ATF7IP: variants seen among roughly 807,000 people sequenced by gnomAD.
ATF7IP encodes the protein activating transcription factor 7-interacting protein 1.
ATF7IP carries 23 observed loss-of-function variants against 106.4 expected under a neutral mutation model. That is an observed-to-expected ratio of 0.22 (90% CI 0.16 to 0.31). The LOEUF (loss-of-function observed/expected upper bound fraction) is 0.31, where lower values mean the gene tolerates loss of function less well. ATF7IP is among the 10% of genes least tolerant of loss of function. The pLI, the probability that ATF7IP is intolerant of heterozygous loss-of-function variation, is 1.00. For synonymous variants in ATF7IP, 542 were observed against 539.0 expected (o/e 1.01, Z -0.08); for missense variants, 1,334 against 1,524.3 (o/e 0.88, Z 2.08).
At chr12:14,464,970 C>T (rs895240948) in intron 9 of ATF7IP, among the ~76,000 whole-genome samples, 5 of 152,094 alleles carry the variant, frequency 3.3e-5, no homozygotes, top group Non-Finnish European at 7.4e-5. Flanking sequence ...AATCCCAGCA[C>T]TTTGGGAGGC....
chr12:14,471,635 C>T (rs996955198), intron 10 of ATF7IP, among the ~76,000 whole-genome samples: 1 of 152,040 alleles, frequency 6.6e-6, no homozygotes, highest in Non-Finnish European at 1.5e-5. Context: ...CAAGGGGAAG[C>T]AAACATGTCC....
At chr12:14,416,761 C>T (rs185663319) in intron 1 of ATF7IP, among the ~76,000 whole-genome samples, 63 of 152,288 alleles carry the variant, frequency 4.1e-4, no homozygotes, top group Non-Finnish European at 7.5e-4. Context: ...TCATCTTCTT[C>T]CCTTGTTGCT....
At chr12:14,463,932 AAG>A (rs1301765452) in intron 9 of ATF7IP, among the ~76,000 whole-genome samples, 4 of 152,240 alleles carry the variant, frequency 2.6e-5, no homozygotes, top group African/African-American at 9.6e-5. Flanking sequence ...ATATTAAAAA[AAG>A]AACAGATTTG....
chr12:14,471,883 A>T (rs1448597828), intron 10 of ATF7IP, among the ~76,000 whole-genome samples: 1 of 152,162 alleles, frequency 6.6e-6, no homozygotes, highest in Admixed American at 6.5e-5. Flanking sequence ...AGGACCCTGT[A>T]TTCATTATCT....
intron 13 of ATF7IP, among the ~76,000 whole-genome samples, chr12:14,492,456 A>T (rs1591975471): frequency 1.3e-5 from 2 of 152,234 alleles, no homozygotes; most frequent in South Asian, 4.2e-4. Flanking sequence ...CCTCAAGGGG[A>T]CGAGGCCTCC....
intron 1 of ATF7IP, among the ~76,000 whole-genome samples, chr12:14,377,524 TG>T (rs1389297860): frequency 6.6e-6 from 1 of 150,576 alleles, no homozygotes. Flanking sequence ...CCCGGCTAAT[TG>T]TTTGTATTTT....
chr12:14,396,425 G>A (rs1295590005), intron 1 of ATF7IP, among the ~76,000 whole-genome samples: 2 of 151,410 alleles, frequency 1.3e-5, no homozygotes, highest in East Asian at 1.9e-4. Flanking sequence ...TTTTGACAGT[G>A]TTGCTTGGAT....
At chr12:14,468,735 A>T (rs1396950480) in intron 10 of ATF7IP, among the ~76,000 whole-genome samples, 1 of 152,240 alleles carries the variant, frequency 6.6e-6, no homozygotes, top group Non-Finnish European at 1.5e-5. Flanking sequence ...TGAATAATAA[A>T]TATAATTACA....
At chr12:14,493,855 T>C (rs1402401461) in intron 13 of ATF7IP, among the ~76,000 whole-genome samples, 1 of 152,160 alleles carries the variant, frequency 6.6e-6, no homozygotes, top group East Asian at 1.9e-4. Flanking sequence ...TTAGCAGTTT[T>C]GAGCCTCAGT....
intron 13 of ATF7IP, among the ~76,000 whole-genome samples, chr12:14,484,640 C>A (rs148017435): frequency 9.2e-5 from 14 of 152,244 alleles, no homozygotes; most frequent in African/African-American, 2.6e-4. Flanking sequence ...GTGAACCAGG[C>A]CCTAGTCATC....
intron 10 of ATF7IP, among the ~76,000 whole-genome samples, chr12:14,474,323 ATTTC>A (rs1944171862): frequency 7.0e-6 from 1 of 142,734 alleles, no homozygotes; most frequent in South Asian, 2.2e-4. Flanking sequence ...CAGCTTTATT[ATTTC>A]TTTTTTTTTC....
rs1236263829 is a variant in ATF7IP at position 14,501,537 on chromosome 12, CCTT to C, written c.*3467_*3469del. Reference sequence around the variant, plus strand: ...AGTTAACTTTATGAGGTAACTATATCCTTCTATTTCTCTGGACTCATTTTTAAA... The same window carrying C: ...AGTTAACTTTATGAGGTAACTATATCCTATTTCTCTGGACTCATTTTTAAA... On this transcript the variant is annotated 3_prime_UTR_variant, in exon 15 of 15. Transcript: ENST00000261168. 6.6e-6 allele frequency: 1 copy of C among 152,068 alleles called. No individual in the cohort carries two copies. Among genetic ancestry groups the C allele is most frequent in the Non-Finnish European group, 1.5e-5 (1 of 68,004 alleles). 9.4% of individuals were successfully genotyped at this position (152,068 alleles called of 1,614,324 possible). A position where few individuals can be genotyped will look rare whatever the true frequency, so the allele number is the denominator to read the frequency against.
At chr12:14,440,948 G>A (rs149729063) in intron 5 of ATF7IP, among the ~76,000 whole-genome samples, 5 of 152,194 alleles carry the variant, frequency 3.3e-5, no homozygotes, top group African/African-American at 7.2e-5. Flanking sequence ...ATTATATGGC[G>A]GTATATGCCA....
chr12:14,473,274 C>T (rs182755192), intron 10 of ATF7IP, among the ~76,000 whole-genome samples: 91 of 33,382 alleles, frequency 2.7e-3, no homozygotes, highest in African/African-American at 0.012. Flanking sequence ...CTTTTTAGCG[C>T]GCTCTCTCTC....
At chr12:14,472,255 GA>G (rs1344005440) in intron 10 of ATF7IP, among the ~76,000 whole-genome samples, 6 of 152,084 alleles carry the variant, frequency 3.9e-5, no homozygotes, top group African/African-American at 1.2e-4. Flanking sequence ...AATAGTAAAT[GA>G]TGAGACAAAA....
chr12:14,370,191 C>T (rs553924789), intron 1 of ATF7IP, among the ~76,000 whole-genome samples: 7 of 152,264 alleles, frequency 4.6e-5, no homozygotes, highest in African/African-American at 1.7e-4. Context: ...CTGCCTCGGC[C>T]TACCAAAGTG....
chr12:14,486,801 AT>A (rs1442351072), intron 13 of ATF7IP, among the ~76,000 whole-genome samples: 2 of 152,014 alleles, frequency 1.3e-5, no homozygotes, highest in Non-Finnish European at 2.9e-5. Flanking sequence ...TTTCCATTGT[AT>A]TTAAATTTTG....
intron 6 of ATF7IP, among the ~76,000 whole-genome samples, chr12:14,453,173 C>T (rs1302276072): frequency 6.6e-6 from 1 of 152,280 alleles, no homozygotes; most frequent in African/African-American, 2.4e-5. Flanking sequence ...TATAATGTAT[C>T]TCAGTGTAGA....
chr12:14,426,823 C>CAAAA (rs1491532843), intron 2 of ATF7IP, among the ~76,000 whole-genome samples: 1 of 16,018 alleles, frequency 6.2e-5, no homozygotes, highest in African/African-American at 3.1e-4. Flanking sequence ...GACCCTGCCT[C>CAAAA]AAAAAAAAAA....
Sources: allele counts gnomAD v4.1 joint callset (sites outside exome capture counted in the v4.1 genomes callset), GRCh38; gene constraint gnomAD v4.1.1; transcripts MANE v1.5; gene names NCBI Gene and HGNC (gene_info 2026-07-23, HGNC 2026-07-21).